LRCH1: variants seen among roughly 807,000 people sequenced by gnomAD.
LRCH1 encodes leucine rich repeats and calponin homology domain containing 1, also known as leucine-rich repeat and calponin homology domain-containing protein 1.
A neutral mutation model predicts 94.9 loss-of-function variants in LRCH1; 23 were observed. The ratio of observed to expected loss-of-function variants is 0.24; its 90% CI spans 0.17 to 0.34. The LOEUF is 0.34. Ranked by LOEUF, LRCH1 falls within the 10% of genes least tolerant of loss-of-function variation. The pLI is 1.00. For synonymous variants in LRCH1, 364 were observed against 354.9 expected, an observed-to-expected ratio of 1.03 and a Z score of -0.29; for missense variants, 790 against 945.9, an observed-to-expected ratio of 0.84 and a Z score of 2.16.
chr13:46,582,149 CA>C (rs11387752), intron 1 of LRCH1, among the ~76,000 whole-genome samples: 21 of 104,566 alleles, frequency 2.0e-4, no homozygotes, highest in East Asian at 2.5e-4. Context: ...GACTCCATCT[CA>C]AAAAAAAAAA....
downstream of LRCH1, among the ~76,000 whole-genome samples, chr13:46,748,650 C>T (rs540386620): frequency 8.0e-4 from 122 of 152,194 alleles, no homozygotes; most frequent in Non-Finnish European, 1.3e-3. Flanking sequence ...ACAACTCAGA[C>T]AGAACTCCCC....
intron 3 of LRCH1, among the ~76,000 whole-genome samples, chr13:46,669,726 A>C (rs1263201268): frequency 6.6e-6 from 1 of 152,196 alleles, no homozygotes; most frequent in East Asian, 1.9e-4. Context: ...CAGCTCTTTC[A>C]CTACTAATTT....
intron 3 of LRCH1, among the ~76,000 whole-genome samples, chr13:46,679,506 C>A (rs941948892): frequency 2.0e-5 from 3 of 152,230 alleles, no homozygotes; most frequent in Non-Finnish European, 2.9e-5. Context: ...AGTGACTGAA[C>A]ACGATCTCTG....
At chr13:46,633,381 A>G (rs756231971) in intron 1 of LRCH1, among the ~76,000 whole-genome samples, 5 of 152,262 alleles carry the variant, frequency 3.3e-5, no homozygotes, top group South Asian at 2.1e-4. Flanking sequence ...GTGATAATGT[A>G]GCAATTAAAT....
chr13:46,636,237 A>G (rs1408292998), intron 1 of LRCH1, among the ~76,000 whole-genome samples: 1 of 150,870 alleles, frequency 6.6e-6, no homozygotes, highest in Non-Finnish European at 1.5e-5. Context: ...CCTGGCTAAT[A>G]TTTTTTTGTA....
chr13:46,570,059 G>T (rs568421388), intron 1 of LRCH1, among the ~76,000 whole-genome samples: 2 of 152,208 alleles, frequency 1.3e-5, no homozygotes, highest in African/African-American at 4.8e-5. Context: ...AATGATAATA[G>T]CTTCATTTAT....
intron 2 of LRCH1, among the ~76,000 whole-genome samples, chr13:46,652,055 GTTTTTTTTTTT>G (rs71077910): frequency 5.4e-5 from 3 of 56,026 alleles, no homozygotes; most frequent in African/African-American, 7.5e-5. Flanking sequence ...GCCTGCTGAT[GTTTTTTTTTTT>G]TTTTTTTTTG....
chr13:46,669,267 T>C, intron 3 of LRCH1, 111 bp downstream of exon 3: 2 of 1,274,354 alleles, frequency 1.6e-6, no homozygotes, highest in Non-Finnish European at 2.2e-6. Flanking sequence ...GCCTCTGTTG[T>C]TTGAGGGCAG....
Position 46,727,601 on chromosome 13 carries a change from C to T in LRCH1, c.1870-1246C>T, listed in dbSNP as rs569869437. On this transcript the variant is annotated intron_variant, in intron 17 of 19. Coordinates refer to ENST00000389797, the MANE Select transcript of LRCH1 (RefSeq NM_001164211.2). ...CACTGAAACCTCTGCCTCCTGAGTT[C>T]AAGTGATTCTCCTGCCTCAGCCTCC... Among the ~76,000 whole-genome samples the T allele has an allele frequency of 6.8e-4, 103 of 152,296 alleles. 1 individual carries two copies. The highest frequency in any genetic ancestry group is 3.3e-3 in the South Asian group (16 of 4,828).
At chr13:46,620,215 A>G (rs2050864791) in intron 1 of LRCH1, among the ~76,000 whole-genome samples, 1 of 152,114 alleles carries the variant, frequency 6.6e-6, no homozygotes, top group African/African-American at 2.4e-5. Flanking sequence ...CCTTCTGCAT[A>G]CTACCAATAC....
chr13:46,569,976 C>T (rs1456008359), intron 1 of LRCH1, among the ~76,000 whole-genome samples: 2 of 152,130 alleles, frequency 1.3e-5, no homozygotes, highest in Non-Finnish European at 2.9e-5. Context: ...TCATCTAAAA[C>T]AGAGTTTATA....
At chr13:46,584,800 A>G (rs2137948862) in intron 1 of LRCH1, among the ~76,000 whole-genome samples, 1 of 152,362 alleles carries the variant, frequency 6.6e-6, no homozygotes, top group South Asian at 2.1e-4. Context: ...ATCAAAACCC[A>G]CATGCAATCG....
chr13:46,713,649 T>G (rs1481043201), intron 15 of LRCH1, among the ~76,000 whole-genome samples: 2 of 152,216 alleles, frequency 1.3e-5, no homozygotes, highest in Admixed American at 6.5e-5. Flanking sequence ...GAGTGTTTTA[T>G]GGAGAGCCAA....
chr13:46,621,676 C>T (rs1273296588), intron 1 of LRCH1, among the ~76,000 whole-genome samples: 1 of 152,174 alleles, frequency 6.6e-6, no homozygotes, highest in Non-Finnish European at 1.5e-5. Flanking sequence ...CAGACTTTTA[C>T]AGCGTTTGCA....
chr13:46,726,862 C>CTAA (rs760238730), intron 17 of LRCH1, among the ~76,000 whole-genome samples: 1 of 78,004 alleles, frequency 1.3e-5, no homozygotes, highest in African/African-American at 5.5e-5. Flanking sequence ...AGAGCAGTGT[C>CTAA]AAAAAAAAAA....
At chr13:46,601,134 T>C (rs2050623670) in intron 1 of LRCH1, among the ~76,000 whole-genome samples, 1 of 152,212 alleles carries the variant, frequency 6.6e-6, no homozygotes, top group African/African-American at 2.4e-5. Flanking sequence ...TAGCACAACA[T>C]CACCTACCTC....
At chr13:46,554,550 G>A (rs2050041962) in intron 1 of LRCH1, among the ~76,000 whole-genome samples, 1 of 152,224 alleles carries the variant, frequency 6.6e-6, no homozygotes, top group African/African-American at 2.4e-5. Context: ...TCCTGTGTGA[G>A]CCCGGCAAGT....
chr13:46,560,148 T>G (rs1255146956), intron 1 of LRCH1, among the ~76,000 whole-genome samples: 1 of 150,152 alleles, frequency 6.7e-6, no homozygotes, highest in Non-Finnish European at 1.5e-5. Context: ...CCCATATATA[T>G]AGACTTTTTA....
intron 1 of LRCH1, among the ~76,000 whole-genome samples, chr13:46,580,192 G>T (rs1386905177): frequency 2.0e-5 from 3 of 152,292 alleles, no homozygotes; most frequent in Middle Eastern, 6.8e-3. Context: ...CTCTGAGAAA[G>T]CTTGGTAGAA....
Sources: gnomAD v4.1 joint callset for allele counts (sites outside exome capture counted in the v4.1 genomes callset) on GRCh38, gnomAD v4.1.1 for gene constraint, MANE v1.5 for transcripts, NCBI Gene and HGNC (gene_info 2026-07-23, HGNC 2026-07-21) for gene names.